The following CEP350 variants were observed in gnomAD, a reference collection of about 807,000 sequenced individuals.
CEP350 encodes the protein centrosome-associated protein 350.
CEP350 carries 126 observed loss-of-function variants against 331.8 expected under a neutral mutation model. The ratio of observed to expected loss-of-function variants is 0.38; its 90% CI spans 0.33 to 0.44. The LOEUF (loss-of-function observed/expected upper bound fraction) is 0.44. Ranked by LOEUF, CEP350 falls within the 20% of genes least tolerant of loss-of-function variation. CEP350 has a pLI of 1.00. For synonymous variants in CEP350, 1,200 were observed against 1,259.5 expected (o/e 0.95, Z 1.00); for missense variants, 3,406 against 3,634.6 (o/e 0.94, Z 1.62).
chr1:180,081,435 A>T (rs1659559447), intron 30 of CEP350, among the ~76,000 whole-genome samples: 2 of 152,142 alleles, frequency 1.3e-5, no homozygotes, highest in South Asian at 4.1e-4. Context: ...GGCTATTTAG[A>T]TTTTCTTAAA....
At chr1:180,107,421 C>G (rs1661203306) in intron 37 of CEP350, among the ~76,000 whole-genome samples, 1 of 152,200 alleles carries the variant, frequency 6.6e-6, no homozygotes, top group African/African-American at 2.4e-5. Context: ...CTAATCCTAG[C>G]ACTTTGGGAG....
Position 180,001,095 on chromosome 1 carries a change from A to G in CEP350, c.1019-2079A>G, listed in dbSNP as rs190583166. Among the ~76,000 whole-genome samples the G allele has an allele frequency of 2.1e-4, 32 of 152,198 alleles. No individual in the cohort carries two copies. The East Asian group carries it at 5.8e-3, about 28-fold the overall frequency. The stretch of plus-strand genomic sequence containing the variant: ...TTTTTTACTCCAGCCTATTCTTTAC[A>G]TTGATTTAATTGTGCAGTTATGTAT... On this transcript the variant is annotated intron_variant, in intron 6 of 37. Coordinates refer to ENST00000367607, the MANE Select transcript of CEP350 (RefSeq NM_014810.5).
Position 180,020,802 on chromosome 1 carries a change from G to T in CEP350, c.3028G>T (p.Glu1010Ter). ...QDGQPLLKVA[E>*]ILKEKEFCPG... ...TGGACAGCCCCTTTTGAAAGTAGCA[G>T]AAATTTTAAAAGAAAAGGAATTTTG... The change falls in exon 12 of 38, where the codon GAA becomes TAA. Residue 1010 changes from glutamate (E) to a stop codon, truncating the protein, a stop_gained. Coordinates refer to ENST00000367607, the MANE Select transcript of CEP350 (RefSeq NM_014810.5). LOFTEE classifies it high-confidence loss of function. 1 of 1,613,220 alleles carries T rather than the reference G, an allele frequency of 6.2e-7. No homozygotes were observed. The highest frequency in any genetic ancestry group is 8.5e-7 in the Non-Finnish European group (1 of 1,179,748).
chr1:180,072,816 A>G (rs529770633), intron 27 of CEP350, among the ~76,000 whole-genome samples: 12 of 152,280 alleles, frequency 7.9e-5, no homozygotes, highest in Middle Eastern at 3.4e-3. Flanking sequence ...TCTCACTTCT[A>G]TGACATACTG....
rs765734811 is a variant in CEP350, at chr1:180,052,954, C to G, written c.4793-16C>G. On this transcript the variant is annotated splice_polypyrimidine_tract_variant and intron_variant, in intron 22 of 37. Coordinates refer to ENST00000367607, the MANE Select transcript of CEP350 (RefSeq NM_014810.5). ...CAATTATAATGATAAAATCTACTTT[C>G]TCCATATTCTTTTAGACTCAACGTC... 2 of 988,388 alleles carry G rather than the reference C, an allele frequency of 2.0e-6. No individual in the cohort carries two copies. Among genetic ancestry groups the G allele is most frequent in the African/African-American group, 3.3e-5 (2 of 60,852 alleles). 61.2% of individuals were successfully genotyped at this position (988,388 alleles called of 1,614,324 possible). A position where few individuals can be genotyped will look rare whatever the true frequency, so the allele number is the denominator to read the frequency against.
At chr1:180,044,918 C>T (rs1657022190) in intron 21 of CEP350, among the ~76,000 whole-genome samples, 1 of 150,402 alleles carries the variant, frequency 6.6e-6, no homozygotes. Flanking sequence ...GAAACCCATT[C>T]AAGGTCACAT....
chr1:180,080,200 G>A (rs1032069881), intron 29 of CEP350, among the ~76,000 whole-genome samples: 1 of 152,092 alleles, frequency 6.6e-6, no homozygotes, highest in African/African-American at 2.4e-5. Flanking sequence ...TTAAAAGAAT[G>A]GAGGGGGGCG....
At chr1:180,058,284 G>C (rs538464543) in intron 25 of CEP350, among the ~76,000 whole-genome samples, 2 of 152,320 alleles carry the variant, frequency 1.3e-5, no homozygotes, top group South Asian at 4.1e-4. Context: ...TTTCTGAAAT[G>C]ATAGTAATTT....
chr1:179,957,989 G>C (rs1650301967), intron 1 of CEP350, among the ~76,000 whole-genome samples: 1 of 152,148 alleles, frequency 6.6e-6, no homozygotes, highest in African/African-American at 2.4e-5. Context: ...AAAACAGAAG[G>C]TTGTATAGGG....
chr1:180,010,607 T>TG (rs1654576474), intron 8 of CEP350, among the ~76,000 whole-genome samples: 1 of 147,494 alleles, frequency 6.8e-6, no homozygotes, highest in South Asian at 2.1e-4. Flanking sequence ...TCTTTCTTTC[T>TG]TTTTTTTTTT....
rs573724282 is a variant in CEP350 at position 179,974,124 on chromosome 1, G to T, written c.-13-12045G>T. Among the ~76,000 whole-genome samples, 3 of 151,490 alleles carry T rather than the reference G, an allele frequency of 2.0e-5. No individual in the cohort carries two copies. The East Asian group carries it at 5.8e-4, about 29-fold the overall frequency. On this transcript the variant is annotated intron_variant, in intron 1 of 37. Coordinates refer to ENST00000367607, the MANE Select transcript of CEP350 (RefSeq NM_014810.5). ...AGATGGAGTCTCGCTCTGTTGCCCA[G>T]ACTGGAGTGCAGTGGCGTGATCTCG...
At chr1:180,001,332 C>G (rs756552573) in intron 6 of CEP350, among the ~76,000 whole-genome samples, 3 of 152,140 alleles carry the variant, frequency 2.0e-5, no homozygotes, top group Non-Finnish European at 2.9e-5. Flanking sequence ...AATCTCAGCT[C>G]ACTGCAACCT....
intron 36 of CEP350, among the ~76,000 whole-genome samples, chr1:180,096,986 C>T (rs188242961): frequency 1.0e-3 from 152 of 152,294 alleles, no homozygotes; most frequent in Non-Finnish European, 1.8e-3. Flanking sequence ...CCTGCTGGTC[C>T]TGCTGGTCCT....
Position 179,972,253 on chromosome 1 carries a change from C to T in CEP350, c.-13-13916C>T, listed in dbSNP as rs114930214. ...TGAAAGCCTTTTGCAAGAGTGAGGT[C>T]GCCCAGCGAGAGAGTATAGTGTTAG... On this transcript the variant is annotated intron_variant, in intron 1 of 37. Coordinates refer to ENST00000367607, the MANE Select transcript of CEP350 (RefSeq NM_014810.5). Among the ~76,000 whole-genome samples, 651 of 152,000 alleles carry T rather than the reference C, an allele frequency of 4.3e-3. 8 individuals are homozygous for T. The highest frequency in any genetic ancestry group is 0.015 in the African/African-American group (623 of 41,452).
Position 180,036,956 on chromosome 1 carries a change from A to G in CEP350, c.3977A>G (p.His1326Arg), listed in dbSNP as rs1288808980. 3 of 1,585,598 alleles carry G rather than the reference A, an allele frequency of 1.9e-6. No individual in the cohort carries two copies. The highest frequency in any genetic ancestry group is 2.7e-5 in the African/African-American group (2 of 74,044). Residue 1326 changes from histidine to arginine, a missense_variant, in exon 17 of 38, where the codon CAT (histidine) becomes CGT (arginine). Coordinates refer to ENST00000367607, the MANE Select transcript of CEP350 (RefSeq NM_014810.5). The part of the protein sequence containing the change: ...GSKRFSPAGL[H>R]HRMAAELSYL... ...AAGCGCTTTTCTCCTGCTGGCCTCCATCATCGTATGGCAGCAGAACTCAGT... is the reference window on the plus strand; with the variant it reads ...AAGCGCTTTTCTCCTGCTGGCCTCCGTCATCGTATGGCAGCAGAACTCAGT...
intron 27 of CEP350, among the ~76,000 whole-genome samples, 166 bp from the exon 28 acceptor site, chr1:180,074,856 G>A (rs1463162577): frequency 6.6e-6 from 1 of 152,062 alleles, no homozygotes; most frequent in Non-Finnish European, 1.5e-5. Context: ...TGAACAAGTT[G>A]ACTCATGAAA....
chr1:180,019,499 A>G (rs1410031301), intron 11 of CEP350, among the ~76,000 whole-genome samples: 2 of 152,340 alleles, frequency 1.3e-5, no homozygotes, highest in South Asian at 2.1e-4. Flanking sequence ...AGAATAATCT[A>G]TATCATGTCT....
chr1:180,021,089 T>A, intron 12 of CEP350, 80 bp downstream of exon 12: 1 of 1,251,412 alleles, frequency 8.0e-7, no homozygotes, highest in Non-Finnish European at 1.0e-6. Context: ...ATATGTACTT[T>A]AGTACACATT....
Position 180,041,994 on chromosome 1 carries a change from T to C in CEP350, c.4362+192T>C, listed in dbSNP as rs1571910472. ...GTGTTGTACATGTGATTGAATGTTA[T>C]AGAGGCAGAAAAAAGATGAAGAGCT... On this transcript the variant is annotated intron_variant, in intron 19 of 37. Coordinates refer to ENST00000367607, the MANE Select transcript of CEP350 (RefSeq NM_014810.5). Among the ~76,000 whole-genome samples the C allele has an allele frequency of 5.9e-5, 9 of 152,310 alleles. No individual in the cohort carries two copies. In the South Asian group the frequency reaches 1.9e-3, roughly 32 times the overall value.
Sources: gnomAD v4.1 joint callset for allele counts (sites outside exome capture counted in the v4.1 genomes callset) on GRCh38, gnomAD v4.1.1 for gene constraint, MANE v1.5 for transcripts, NCBI Gene and HGNC (gene_info 2026-07-23, HGNC 2026-07-21) for gene names.